BDKRB2: variants seen among roughly 807,000 people sequenced by gnomAD.
BDKRB2 encodes B2 bradykinin receptor.
Under a neutral mutation model 4.0 loss-of-function variants are expected in BDKRB2, and 6 were observed. That is an observed-to-expected ratio of 1.49 (90% CI 0.81 to 2.93). The LOEUF (loss-of-function observed/expected upper bound fraction) is 2.93. Among genes scored for constraint, BDKRB2 ranks in the 30% most tolerant of loss-of-function variants. The pLI, the probability that BDKRB2 is intolerant of heterozygous loss-of-function variation, is 0.00. For missense variants in BDKRB2, 478 were observed against 520.1 expected (o/e 0.92, Z 0.79); for synonymous variants, 225 against 215.3 (o/e 1.05, Z -0.40).
intron 1 of BDKRB2, among the ~76,000 whole-genome samples, chr14:96,205,888 T>C (rs956221803): frequency 1.2e-4 from 19 of 152,194 alleles, no homozygotes; most frequent in African/African-American, 4.6e-4. Context: ...CAGGTGTTGC[T>C]GTTCCAGGCA....
At chr14:96,235,605 C>T (rs1327429040) in intron 1 of BDKRB2, among the ~76,000 whole-genome samples, 1 of 152,168 alleles carries the variant, frequency 6.6e-6, no homozygotes, top group Admixed American at 6.5e-5. Flanking sequence ...TTACCTCCCA[C>T]TTCATTTCCT....
rs536753214 is a variant in BDKRB2, at chr14:96,219,056, C to T, written c.-40+14097C>T. On this transcript the variant is annotated intron_variant, in intron 1 of 2. Coordinates refer to ENST00000554311, the MANE Select transcript of BDKRB2 (RefSeq NM_001379692.1). ...CGGTGGCTCACGCCTATAATCACAG[C>T]GCTTTGGGAGGCCAAGGCAGGGATC... Among the ~76,000 whole-genome samples the T allele has an allele frequency of 2.5e-4, 38 of 152,182 alleles. 1 individual carries two copies. In the South Asian group the frequency reaches 5.8e-3, roughly 23 times the overall value.
rs781733145 is a variant in BDKRB2 at position 96,240,629 on chromosome 14, G to A, written c.301G>A (p.Ala101Thr). The stretch of plus-strand genomic sequence containing the variant: ...AGAGATCTACCTGGGGAACCTGGCC[G>A]CAGCAGACCTGATCCTGGCCTGCGG... Reference protein sequence around the residue: ...VAEIYLGNLAAADLILACGLP... With the variant: ...VAEIYLGNLATADLILACGLP... The change falls in exon 3 of 3, where the codon GCA (alanine) becomes ACA (threonine). Residue 101 changes from alanine to threonine, a missense_variant. By Grantham distance (58) the Ala-to-Thr change is moderately conservative (BLOSUM62 0). Coordinates refer to ENST00000554311, the MANE Select transcript of BDKRB2 (RefSeq NM_001379692.1). 2.8e-5 allele frequency: 44 copies of A among 1,549,472 alleles called. No individual in the cohort carries two copies. The highest frequency in any genetic ancestry group is 2.2e-4 in the Admixed American group (11 of 49,720).
rs574409360 is a variant in BDKRB2, at chr14:96,234,824, C to T, written c.-39-2245C>T. Among the ~76,000 whole-genome samples the T allele has an allele frequency of 2.6e-5, 4 of 152,270 alleles. No homozygotes were observed. The East Asian group carries it at 7.7e-4, about 29-fold the overall frequency. ...ACAACAGACCCATAATGGAGGCCAG[C>T]GAGGAAACGCTGGACACGTCCCCCA... On this transcript the variant is annotated intron_variant, in intron 1 of 2. Coordinates refer to ENST00000554311, the MANE Select transcript of BDKRB2 (RefSeq NM_001379692.1).
intron 1 of BDKRB2, chr14:96,223,231 G>T: frequency 9.2e-7 from 1 of 1,085,138 alleles, no homozygotes; most frequent in Non-Finnish European, 1.4e-6. Context: ...GTCTGAATCT[G>T]AATGGAGGAA....
chr14:96,232,305 C>T (rs149332762), intron 1 of BDKRB2, among the ~76,000 whole-genome samples: 3 of 152,350 alleles, frequency 2.0e-5, no homozygotes, highest in South Asian at 2.1e-4. Context: ...GGTTAAATAA[C>T]GAGCTCTAGA....
At chr14:96,239,121 G>T in intron 2 of BDKRB2, 1 of 985,494 alleles carries the variant, frequency 1.0e-6, no homozygotes, top group Non-Finnish European at 1.2e-6. Context: ...CTGACTATCA[G>T]TGGACCTTCC....
chr14:96,240,483 G>GTA lies in BDKRB2; in HGVS notation c.155_156insTA (p.Trp52CysfsTer23). On this transcript the variant is annotated frameshift_variant, in exon 3 of 3. Transcript: ENST00000554311. LOFTEE classifies it low-confidence loss of function (END_TRUNC). Reference sequence around the variant, plus strand: ...CAGAGCAAATGCCCCCAAGTGGAGTGGCTGGGCTGGCTCAACACCATCCAG... The same window carrying GTA: ...CAGAGCAAATGCCCCCAAGTGGAGTGTAGCTGGGCTGGCTCAACACCATCCAG... 6.5e-7 allele frequency: 1 copy of GTA among 1,533,540 alleles called. No homozygotes were observed. Among genetic ancestry groups the GTA allele is most frequent in the South Asian group, 1.3e-5 (1 of 77,040 alleles). The allele number at this position is 1,533,540 out of a possible 1,614,324, so 95.0% of individuals were successfully genotyped here.
chr14:96,228,255 T>A (rs1275927878), intron 1 of BDKRB2, among the ~76,000 whole-genome samples: 1 of 152,208 alleles, frequency 6.6e-6, no homozygotes, highest in Non-Finnish European at 1.5e-5. Flanking sequence ...TCTAGGGTTG[T>A]GTTACAATTA....
At chr14:96,231,140 C>T (rs1890810514) in intron 1 of BDKRB2, among the ~76,000 whole-genome samples, 1 of 152,182 alleles carries the variant, frequency 6.6e-6, no homozygotes, top group African/African-American at 2.4e-5. Flanking sequence ...TGAGCAAAGC[C>T]AGGCCGGCAG....
chr14:96,236,035 A>G (rs145993330), intron 1 of BDKRB2, among the ~76,000 whole-genome samples: 6 of 152,214 alleles, frequency 3.9e-5, no homozygotes, highest in African/African-American at 1.4e-4. Context: ...CACAGAGCCC[A>G]TGCCTCCCTC....
At chr14:96,234,791 G>A (rs557015893) in intron 1 of BDKRB2, among the ~76,000 whole-genome samples, 1 of 152,348 alleles carries the variant, frequency 6.6e-6, no homozygotes, top group South Asian at 2.1e-4. Flanking sequence ...ACCCAGCCAG[G>A]TAGATGCACA....
chr14:96,213,058 G>C (rs4905461), intron 1 of BDKRB2, among the ~76,000 whole-genome samples: 46,519 of 151,968 alleles, frequency 0.31, 7,218 homozygotes, highest in South Asian at 0.44. Flanking sequence ...ACAGTCCTGG[G>C]TTAGGTTACT....
At chr14:96,207,221 C>T (rs1244297305) in intron 1 of BDKRB2, among the ~76,000 whole-genome samples, 1 of 152,140 alleles carries the variant, frequency 6.6e-6, no homozygotes, top group Admixed American at 6.5e-5. Context: ...AAAACGATGC[C>T]TAGCCCAACA....
intron 1 of BDKRB2, among the ~76,000 whole-genome samples, chr14:96,224,241 A>G (rs974771356): frequency 2.6e-5 from 4 of 152,148 alleles, no homozygotes; most frequent in African/African-American, 7.2e-5. Flanking sequence ...ATGCTAGTCT[A>G]TCTACTTGTG....
chr14:96,214,821 C>A (rs186647771), intron 1 of BDKRB2: 98 of 152,274 alleles, frequency 6.4e-4, no homozygotes, highest in African/African-American at 2.1e-3. Flanking sequence ...AAAGAAAATA[C>A]TATAAGCATC....
intron 1 of BDKRB2, among the ~76,000 whole-genome samples, chr14:96,218,352 T>C (rs1297595152): frequency 6.6e-6 from 1 of 152,172 alleles, no homozygotes; most frequent in Non-Finnish European, 1.5e-5. Flanking sequence ...CTTTTGCACT[T>C]GAGACCCCTA....
At chr14:96,210,002 A>G (rs565084640) in intron 1 of BDKRB2, among the ~76,000 whole-genome samples, 42 of 136,408 alleles carry the variant, frequency 3.1e-4, no homozygotes, top group African/African-American at 1.1e-3. Flanking sequence ...TCTCAAAATA[A>G]TAATAATAAT....
intron 2 of BDKRB2, chr14:96,238,110 A>G (rs1890980080): frequency 9.8e-7 from 1 of 1,025,390 alleles, no homozygotes; most frequent in Non-Finnish European, 1.2e-6. Flanking sequence ...AGCCCAGTAG[A>G]GACAGCTTAT....
Sources: allele counts gnomAD v4.1 joint callset (sites outside exome capture counted in the v4.1 genomes callset), GRCh38; gene constraint gnomAD v4.1.1; transcripts MANE v1.5; gene names NCBI Gene and HGNC (gene_info 2026-07-23, HGNC 2026-07-21).